The following FGF14 variants were observed in gnomAD, a reference collection of about 807,000 sequenced individuals.
FGF14 encodes fibroblast growth factor 14, also known as fibroblast growth factor homologous factor 4.
Under a neutral mutation model 25.5 loss-of-function variants are expected in FGF14, and 5 were observed. The observed-to-expected ratio is 0.20, with a 90% confidence interval of 0.10 to 0.41. FGF14 has a LOEUF of 0.41. FGF14 is among the 10% of genes least tolerant of loss of function. FGF14 has a pLI of 1.00. For synonymous variants in FGF14, 138 were observed against 118.3 expected, an observed-to-expected ratio of 1.17 and a Z score of -1.08; for missense variants, 222 against 320.1, an observed-to-expected ratio of 0.69 and a Z score of 2.34.
At chr13:101,846,066 C>A (rs1008021844) in intron 3 of FGF14, among the ~76,000 whole-genome samples, 1 of 151,888 alleles carries the variant, frequency 6.6e-6, no homozygotes, top group Non-Finnish European at 1.5e-5. Context: ...CAAATGTATA[C>A]AATTTATTAA....
chr13:101,987,049 C>G (rs187788604), intron 1 of FGF14, among the ~76,000 whole-genome samples: 17 of 152,138 alleles, frequency 1.1e-4, no homozygotes, highest in Admixed American at 1.0e-3. Flanking sequence ...CCACCTTAGT[C>G]CATGCCATGA....
chr13:102,385,777 G>C (rs1468389714), intron 1 of FGF14, among the ~76,000 whole-genome samples: 1 of 152,002 alleles, frequency 6.6e-6, no homozygotes, highest in Non-Finnish European at 1.5e-5. Context: ...TTAAAATTTT[G>C]TCCCAAGCTA....
chr13:102,309,629 C>T (rs969652846), intron 1 of FGF14, among the ~76,000 whole-genome samples: 2 of 152,098 alleles, frequency 1.3e-5, no homozygotes, highest in African/African-American at 2.4e-5. Flanking sequence ...TAATCAAATG[C>T]AAAAATCGGA....
intron 1 of FGF14, among the ~76,000 whole-genome samples, chr13:102,368,314 C>T (rs1367924973): frequency 6.6e-6 from 1 of 152,116 alleles, no homozygotes; most frequent in Non-Finnish European, 1.5e-5. Flanking sequence ...TTTCTGTTCA[C>T]CTTGTCTGAG....
intron 1 of FGF14, among the ~76,000 whole-genome samples, chr13:102,391,373 T>C (rs976573298): frequency 6.6e-6 from 1 of 152,062 alleles, no homozygotes; most frequent in Non-Finnish European, 1.5e-5. Flanking sequence ...CCATACAGAG[T>C]CACATCTGCC....
chr13:101,944,093 C>A (rs1454611203), intron 1 of FGF14, among the ~76,000 whole-genome samples: 1 of 151,138 alleles, frequency 6.6e-6, no homozygotes, highest in African/African-American at 2.4e-5. Context: ...TGCTTTTAGA[C>A]TGTGAAGTTG....
intron 3 of FGF14, among the ~76,000 whole-genome samples, chr13:101,828,974 G>A (rs1240851050): frequency 6.6e-6 from 1 of 152,022 alleles, no homozygotes. Context: ...ACAAAGTAAA[G>A]GTCAGGGAAA....
intron 3 of FGF14, among the ~76,000 whole-genome samples, chr13:101,769,490 G>A (rs759249707): frequency 2.6e-5 from 4 of 152,048 alleles, no homozygotes; most frequent in African/African-American, 7.2e-5. Context: ...CTGTCTACAC[G>A]AAAACCTGCA....
intron 1 of FGF14, among the ~76,000 whole-genome samples, chr13:102,247,636 T>C (rs1441095208): frequency 1.3e-5 from 2 of 152,182 alleles, no homozygotes; most frequent in Non-Finnish European, 2.9e-5. Flanking sequence ...TATACACTGT[T>C]GGAGGAAGTA....
At chr13:101,869,393 T>A (rs1250460033) in intron 2 of FGF14, among the ~76,000 whole-genome samples, 1 of 152,218 alleles carries the variant, frequency 6.6e-6, no homozygotes, top group African/African-American at 2.4e-5. Context: ...CATGCAAATG[T>A]CAGAGAGGCT....
chr13:101,916,667 GGGGA>G lies in FGF14; in HGVS notation c.-26_-23del, dbSNP rs1271340107. The stretch of plus-strand genomic sequence containing the variant: ...CCATGGTGGCCCCGGGAACGGGTCC[GGGGA>G]GGGAGGGCGCGGGAGGACGGCGAGC... On this transcript the variant is annotated 5_prime_UTR_variant, in exon 1 of 5. Transcript: ENST00000376143. The G allele has an allele frequency of 6.7e-7, 1 of 1,498,348 alleles. No individual in the cohort carries two copies. 92.8% of individuals were successfully genotyped at this position (1,498,348 alleles called of 1,614,324 possible). A position where few individuals can be genotyped will look rare whatever the true frequency, so the allele number is the denominator to read the frequency against.
chr13:101,772,612 C>G (rs756480757), intron 3 of FGF14, among the ~76,000 whole-genome samples: 5 of 152,034 alleles, frequency 3.3e-5, no homozygotes, highest in Admixed American at 6.6e-5. Flanking sequence ...TTTAAAACGA[C>G]AGGAATAAAT....
intron 1 of FGF14, among the ~76,000 whole-genome samples, chr13:102,159,782 T>C (rs897931874): frequency 4.6e-5 from 7 of 152,228 alleles, no homozygotes; most frequent in African/African-American, 1.7e-4. Flanking sequence ...GATGCTTTAT[T>C]TCCTCTTTCA....
chr13:102,111,370 G>A (rs2045215796), intron 1 of FGF14, among the ~76,000 whole-genome samples: 2 of 152,182 alleles, frequency 1.3e-5, no homozygotes, highest in Non-Finnish European at 2.9e-5. Context: ...CTCATGTGTG[G>A]TTAAGGATAG....
At chr13:102,126,619 T>G (rs1454045537) in intron 1 of FGF14, among the ~76,000 whole-genome samples, 1 of 152,180 alleles carries the variant, frequency 6.6e-6, no homozygotes, top group Non-Finnish European at 1.5e-5. Flanking sequence ...TAATTTCATA[T>G]TTTTTTGAGA....
chr13:101,736,425 T>C (rs1199455841), intron 3 of FGF14, among the ~76,000 whole-genome samples: 1 of 152,204 alleles, frequency 6.6e-6, no homozygotes, highest in Non-Finnish European at 1.5e-5. Flanking sequence ...TATAGAAATT[T>C]AACAGAATGT....
chr13:102,040,358 T>C (rs745475620), intron 1 of FGF14, among the ~76,000 whole-genome samples: 5 of 152,180 alleles, frequency 3.3e-5, no homozygotes, highest in Non-Finnish European at 7.3e-5. Context: ...AGGTATACAA[T>C]ACCTTTTTAC....
chr13:102,053,157 A>G (rs2042288772), intron 1 of FGF14, among the ~76,000 whole-genome samples: 1 of 152,136 alleles, frequency 6.6e-6, no homozygotes, highest in African/African-American at 2.4e-5. Flanking sequence ...GGATCTATAA[A>G]ACAATAAGAC....
At chr13:102,107,862 G>A (rs535424535) in intron 1 of FGF14, among the ~76,000 whole-genome samples, 91 of 152,284 alleles carry the variant, frequency 6.0e-4, no homozygotes, top group Non-Finnish European at 1.1e-3. Context: ...TATCATAGGC[G>A]TGCTGGATAC....
Sources: allele counts gnomAD v4.1 joint callset (sites outside exome capture counted in the v4.1 genomes callset), GRCh38; gene constraint gnomAD v4.1.1; transcripts MANE v1.5; gene names NCBI Gene and HGNC (gene_info 2026-07-23, HGNC 2026-07-21).